SCN11A: variants seen among roughly 807,000 people sequenced by gnomAD.
The protein encoded by SCN11A is sodium voltage-gated channel alpha subunit 11.
SCN11A carries 122 observed loss-of-function variants against 162.2 expected under a neutral mutation model. That is an observed-to-expected ratio of 0.75 (90% CI 0.65 to 0.87). The LOEUF (loss-of-function observed/expected upper bound fraction) is 0.87. SCN11A is among the 40% of genes least tolerant of loss of function. The pLI, the probability that SCN11A is intolerant of heterozygous loss-of-function variation, is 0.00. For missense variants in SCN11A, 2,015 were observed against 2,181.6 expected (o/e 0.92, Z 1.52); for synonymous variants, 758 against 751.5 (o/e 1.01, Z -0.14).
chr3:38,917,328 G>T (rs867661350), intron 11 of SCN11A, among the ~76,000 whole-genome samples: 1 of 152,170 alleles, frequency 6.6e-6, no homozygotes, highest in South Asian at 2.1e-4. Context: ...ATACCCAAAG[G>T]AATATAAATC....
At chr3:38,942,667 C>G (rs915516371) in intron 7 of SCN11A, among the ~76,000 whole-genome samples, 11 of 152,070 alleles carry the variant, frequency 7.2e-5, no homozygotes, top group Non-Finnish European at 1.3e-4. Flanking sequence ...AATAAAAACA[C>G]AGTGTATTGA....
chr3:38,983,535 A>T (rs1444540976), intron 2 of SCN11A, among the ~76,000 whole-genome samples: 1 of 152,196 alleles, frequency 6.6e-6, no homozygotes, highest in Admixed American at 6.5e-5. Context: ...CTCAAGACAA[A>T]CAAGGACCCT....
chr3:38,946,947 A>G, intron 5 of SCN11A, 40 bp from the exon 6 acceptor site: 1 of 1,143,376 alleles, frequency 8.7e-7, no homozygotes, highest in Non-Finnish European at 1.3e-6. Context: ...ACACACACAT[A>G]CACAACAGGA....
chr3:38,852,491 G>A (rs138348887), intron 28 of SCN11A, among the ~76,000 whole-genome samples: 1 of 152,284 alleles, frequency 6.6e-6, no homozygotes, highest in Non-Finnish European at 1.5e-5. Flanking sequence ...ATTACCTAAA[G>A]TGTTGGATGA....
chr3:38,950,620 C>A (rs990977109), intron 4 of SCN11A: 7 of 467,776 alleles, frequency 1.5e-5, no homozygotes, highest in South Asian at 2.5e-5. Flanking sequence ...TGGCAAAAGG[C>A]GGGAAGTTGA....
chr3:38,893,189 C>A (rs1322103465), intron 19 of SCN11A, among the ~76,000 whole-genome samples: 1 of 151,948 alleles, frequency 6.6e-6, no homozygotes, highest in African/African-American at 2.4e-5. Flanking sequence ...ATGCAAACAG[C>A]AACCATAAAA....
chr3:38,926,873 A>C lies in SCN11A; in HGVS notation c.547T>G (p.Phe183Val), dbSNP rs1165060835. ...AGGAAAGAAAACTCATCCAGAATGAAACCTCTTGCCAATATTTTAATCAAA... is the reference window on the plus strand; with the variant it reads ...AGGAAAGAAAACTCATCCAGAATGACACCTCTTGCCAATATTTTAATCAAA... ...EALIKILARGFILDEFSFLRD... is the reference protein window; with the variant it reads ...EALIKILARGVILDEFSFLRD... The change falls in exon 8 of 30, where the codon TTC becomes GTC. Residue 183 changes from phenylalanine (F) to valine (V), a missense_variant. Phe to Val is a conservative substitution (Grantham distance 50, BLOSUM62 -1). Coordinates refer to ENST00000302328, the MANE Select transcript of SCN11A (RefSeq NM_001349253.2). 2 of 1,613,258 alleles carry C rather than the reference A, an allele frequency of 1.2e-6. No individual in the cohort carries two copies. Among genetic ancestry groups the C allele is most frequent in the Admixed American group, 1.7e-5 (1 of 60,022 alleles).
intron 2 of SCN11A, among the ~76,000 whole-genome samples, chr3:38,984,361 T>C (rs1208573484): frequency 2.6e-5 from 4 of 152,192 alleles, no homozygotes; most frequent in Admixed American, 6.5e-5. Context: ...TTAGTTTAAA[T>C]AAGAAAGAGC....
intron 2 of SCN11A, among the ~76,000 whole-genome samples, chr3:39,008,955 G>T (rs1408673447): frequency 6.6e-6 from 1 of 151,856 alleles, no homozygotes; most frequent in Non-Finnish European, 1.5e-5. Context: ...GGCCCTAGGG[G>T]TCCCTGAAAC....
chr3:39,031,264 G>A (rs1216815677), intron 2 of SCN11A, among the ~76,000 whole-genome samples: 1 of 152,114 alleles, frequency 6.6e-6, no homozygotes, highest in African/African-American at 2.4e-5. Context: ...GCTCTCGCTT[G>A]CCTATAATCC....
chr3:38,872,442 G>A lies in SCN11A; in HGVS notation c.3394-148C>T, dbSNP rs67630000. 0.064 allele frequency: 36,852 copies of A among 576,714 alleles called. 2,407 individuals carry two copies. The highest frequency in any genetic ancestry group is 0.26 in the African/African-American group (13,480 of 52,144). The allele number at this position is 576,714 out of a possible 1,614,324, so 35.7% of individuals were successfully genotyped here. ...GTTTAGTGAAAGACATAGAAAATCC[G>A]AGAAATTGTTGTGAATTAAAGGAAA... On this transcript the variant is annotated intron_variant, in intron 23 of 29. Coordinates refer to ENST00000302328, the MANE Select transcript of SCN11A (RefSeq NM_001349253.2).
At chr3:38,883,510 G>C in intron 21 of SCN11A, 123 bp from the exon 22 acceptor site, 1 of 824,924 alleles carries the variant, frequency 1.2e-6, no homozygotes, top group South Asian at 1.8e-5. Flanking sequence ...TCCCATTAAA[G>C]AAGTAGAGCA....
rs189844245 is a variant in SCN11A at position 38,906,719 on chromosome 3, C to T, written c.1473+1230G>A. Among the ~76,000 whole-genome samples the T allele has an allele frequency of 1.2e-3, 188 of 152,302 alleles. 1 individual carries two copies. The highest frequency in any genetic ancestry group is 2.9e-3 in the Admixed American group (44 of 15,294). On this transcript the variant is annotated intron_variant, in intron 14 of 29. Transcript: ENST00000302328. Reference sequence around the variant, plus strand: ...TCCAGTTTTGCCCTCCTCCAATCCCCTGTCTTCAATGCATCCAGAATTTCA... The same window carrying T: ...TCCAGTTTTGCCCTCCTCCAATCCCTTGTCTTCAATGCATCCAGAATTTCA...
chr3:38,939,761 G>A (rs1370311063), intron 7 of SCN11A, among the ~76,000 whole-genome samples: 1 of 152,052 alleles, frequency 6.6e-6, no homozygotes, highest in Admixed American at 6.6e-5. Context: ...AAATTAGCCA[G>A]GTGTGGTGGC....
chr3:39,031,538 C>CAAAA (rs1182623442), intron 2 of SCN11A, among the ~76,000 whole-genome samples: 1 of 125,042 alleles, frequency 8.0e-6, no homozygotes, highest in Non-Finnish European at 1.6e-5. Flanking sequence ...AAAAAACAAA[C>CAAAA]AAACAAAAAA....
intron 7 of SCN11A, among the ~76,000 whole-genome samples, chr3:38,935,919 A>G (rs550227775): frequency 6.6e-6 from 1 of 152,348 alleles, no homozygotes; most frequent in African/African-American, 2.4e-5. Flanking sequence ...ACAACCAAAA[A>G]AGAGAATTTT....
intron 1 of SCN11A, among the ~76,000 whole-genome samples, chr3:39,034,019 AG>A (rs1373359997): frequency 1.3e-5 from 2 of 152,036 alleles, no homozygotes; most frequent in African/African-American, 4.8e-5. Context: ...AAAAATTAGC[AG>A]GCATGGTGGT....
intron 18 of SCN11A, among the ~76,000 whole-genome samples, chr3:38,895,553 T>C (rs2065582718): frequency 2.6e-5 from 4 of 152,214 alleles, no homozygotes; most frequent in Admixed American, 2.6e-4. Flanking sequence ...CCTGGGTTCT[T>C]TGCTCATAAT....
At chr3:38,974,404 C>A (rs2066834917) in intron 2 of SCN11A, among the ~76,000 whole-genome samples, 1 of 151,986 alleles carries the variant, frequency 6.6e-6, no homozygotes, top group Non-Finnish European at 1.5e-5. Context: ...ATTAAGAAGG[C>A]CTAATTCAAG....
Sources: gnomAD v4.1 joint callset for allele counts (sites outside exome capture counted in the v4.1 genomes callset) on GRCh38, gnomAD v4.1.1 for gene constraint, MANE v1.5 for transcripts, NCBI Gene and HGNC (gene_info 2026-07-23, HGNC 2026-07-21) for gene names.